The following SEMA3A variants were observed in gnomAD, a reference collection of about 807,000 sequenced individuals.
SEMA3A encodes the protein semaphorin-3A.
In SEMA3A, 29 loss-of-function variants were observed where a neutral mutation model predicts 97.9. The ratio of observed to expected loss-of-function variants is 0.30; its 90% CI spans 0.22 to 0.40. SEMA3A has a LOEUF of 0.40. Ranked by LOEUF, SEMA3A falls within the 10% of genes least tolerant of loss-of-function variation. The pLI is 1.00. For missense variants in SEMA3A, 763 were observed against 951.3 expected, an observed-to-expected ratio of 0.80 and a Z score of 2.60; for synonymous variants, 321 against 323.7, an observed-to-expected ratio of 0.99 and a Z score of 0.09.
chr7:84,117,032 T>G (rs1795452519), intron 3 of SEMA3A, among the ~76,000 whole-genome samples: 1 of 152,200 alleles, frequency 6.6e-6, no homozygotes, highest in African/African-American at 2.4e-5. Flanking sequence ...TCAGCCAACT[T>G]TGGATCTTCT....
At chr7:84,294,194 T>C (rs1042615715) in intron 3 of SEMA3A, among the ~76,000 whole-genome samples, 6 of 152,032 alleles carry the variant, frequency 3.9e-5, no homozygotes, top group African/African-American at 1.4e-4. Context: ...ATGTTTATTT[T>C]AGTAGATATT....
At chr7:84,283,747 C>T (rs1180860890) in intron 3 of SEMA3A, among the ~76,000 whole-genome samples, 1 of 151,954 alleles carries the variant, frequency 6.6e-6, no homozygotes, top group Non-Finnish European at 1.5e-5. Flanking sequence ...AAAGTAAATG[C>T]TATATATGCC....
Position 84,109,702 on chromosome 7 carries a change from C to T in SEMA3A, c.453+768G>A, listed in dbSNP as rs976552317. Among the ~76,000 whole-genome samples the T allele has an allele frequency of 2.0e-5, 3 of 152,046 alleles. No individual in the cohort carries two copies. The East Asian group carries it at 5.8e-4, about 29-fold the overall frequency. On this transcript the variant is annotated intron_variant, in intron 4 of 16. Coordinates refer to ENST00000265362, the MANE Select transcript of SEMA3A (RefSeq NM_006080.3). The stretch of plus-strand genomic sequence containing the variant: ...TTATTTGTTGAGTATTTCTGAATTC[C>T]AGTTTTGAAGAAAATTCTGTCACCA...
intron 3 of SEMA3A, among the ~76,000 whole-genome samples, chr7:84,126,347 G>A (rs1315763474): frequency 1.3e-5 from 2 of 151,886 alleles, no homozygotes; most frequent in African/African-American, 4.8e-5. Flanking sequence ...CTGAGACCAC[G>A]GGCATGTGCC....
At chr7:84,342,869 G>T (rs1227051437) in intron 2 of SEMA3A, among the ~76,000 whole-genome samples, 2 of 152,170 alleles carry the variant, frequency 1.3e-5, no homozygotes, top group Non-Finnish European at 2.9e-5. Context: ...CACATGAATG[G>T]CAAAGAACAC....
At chr7:83,964,537 T>C (rs532258012) in intron 15 of SEMA3A, among the ~76,000 whole-genome samples, 1 of 152,308 alleles carries the variant, frequency 6.6e-6, no homozygotes, top group African/African-American at 2.4e-5. Context: ...ATACAATCCC[T>C]GTACAAGGCC....
intron 1 of SEMA3A, among the ~76,000 whole-genome samples, chr7:84,404,787 C>T (rs1183945160): frequency 1.3e-5 from 2 of 151,972 alleles, no homozygotes; most frequent in Admixed American, 1.3e-4. Flanking sequence ...TCATATCCAG[C>T]CAAACTAAGC....
intron 1 of SEMA3A, among the ~76,000 whole-genome samples, chr7:84,421,010 G>C (rs1206874032): frequency 1.3e-5 from 2 of 151,846 alleles, no homozygotes; most frequent in East Asian, 3.9e-4. Flanking sequence ...TCTGATCTTA[G>C]TTATTTCTTT....
chr7:84,367,818 A>G (rs1489793148), intron 2 of SEMA3A, among the ~76,000 whole-genome samples: 1 of 151,234 alleles, frequency 6.6e-6, no homozygotes, highest in African/African-American at 2.4e-5. Context: ...TAAGCTAAAG[A>G]AACTGCATTG....
chr7:84,033,809 AT>A (rs1418388344), intron 6 of SEMA3A, among the ~76,000 whole-genome samples: 2 of 152,078 alleles, frequency 1.3e-5, no homozygotes, highest in African/African-American at 4.8e-5. Context: ...GAGAGTCCAC[AT>A]TTTGAACAAG....
chr7:83,974,417 T>C (rs957927089), intron 15 of SEMA3A, among the ~76,000 whole-genome samples: 15 of 152,052 alleles, frequency 9.9e-5, no homozygotes, highest in Non-Finnish European at 2.1e-4. Flanking sequence ...AACTATAGAG[T>C]GTTACAGAAT....
chr7:84,436,460 A>T (rs912248643), intron 1 of SEMA3A, among the ~76,000 whole-genome samples: 1 of 152,204 alleles, frequency 6.6e-6, no homozygotes, highest in East Asian at 1.9e-4. Context: ...TCCACAATCT[A>T]TAAGGAACTT....
chr7:84,341,138 G>T (rs1257419329), intron 2 of SEMA3A, among the ~76,000 whole-genome samples: 1 of 152,150 alleles, frequency 6.6e-6, no homozygotes, highest in African/African-American at 2.4e-5. Context: ...AATTTAACAA[G>T]TAAAGTTTCT....
At chr7:84,359,145 G>A (rs931019857) in intron 2 of SEMA3A, among the ~76,000 whole-genome samples, 35 of 152,086 alleles carry the variant, frequency 2.3e-4, no homozygotes, top group Admixed American at 3.9e-4. Context: ...TCTCCTGCCT[G>A]ATTGCCCTGG....
upstream of SEMA3A, among the ~76,000 whole-genome samples, chr7:84,199,899 G>A (rs1798313777): frequency 6.6e-6 from 1 of 152,102 alleles, no homozygotes; most frequent in Non-Finnish European, 1.5e-5. Flanking sequence ...CAGGTTAAAA[G>A]CAATGTTTAA....
intron 2 of SEMA3A, among the ~76,000 whole-genome samples, chr7:84,317,063 C>T (rs10488590): frequency 1.3e-5 from 2 of 151,972 alleles, no homozygotes; most frequent in African/African-American, 2.4e-5. Flanking sequence ...TGAGATTTGG[C>T]TTATGGACCC....
At chr7:84,174,559 A>T (rs907636628) in intron 1 of SEMA3A, among the ~76,000 whole-genome samples, 1 of 152,186 alleles carries the variant, frequency 6.6e-6, no homozygotes, top group African/African-American at 2.4e-5. Flanking sequence ...AGCTAGAACT[A>T]TTTACTTTTG....
chr7:84,349,241 C>G (rs1045259053), intron 2 of SEMA3A, among the ~76,000 whole-genome samples: 1 of 152,082 alleles, frequency 6.6e-6, no homozygotes, highest in Non-Finnish European at 1.5e-5. Context: ...CCTCCATGTA[C>G]GTTATGGGTT....
intron 2 of SEMA3A, among the ~76,000 whole-genome samples, chr7:84,371,405 A>T (rs958169645): frequency 6.6e-6 from 1 of 151,926 alleles, no homozygotes; most frequent in African/African-American, 2.4e-5. Context: ...CCAGATGCAG[A>T]ATACTTGAGT....
Sources: gnomAD v4.1 joint callset for allele counts (sites outside exome capture counted in the v4.1 genomes callset) on GRCh38, gnomAD v4.1.1 for gene constraint, MANE v1.5 for transcripts, NCBI Gene and HGNC (gene_info 2026-07-23, HGNC 2026-07-21) for gene names.